CEP85L: variants seen among roughly 807,000 people sequenced by gnomAD.
The protein encoded by CEP85L is centrosomal protein 85L, also known as centrosomal protein of 85 kDa-like.
A neutral mutation model predicts 100.3 loss-of-function variants in CEP85L; 60 were observed. That is an observed-to-expected ratio of 0.60 (90% CI 0.49 to 0.74). The LOEUF (loss-of-function observed/expected upper bound fraction) is 0.74. Ranked by LOEUF, CEP85L falls within the 30% of genes least tolerant of loss-of-function variation. The probability of loss-of-function intolerance (pLI) is 0.00; values close to 1 mark genes in which losing one functional copy is unlikely to be tolerated. For synonymous variants in CEP85L, 319 were observed against 322.7 expected, an observed-to-expected ratio of 0.99 and a Z score of 0.12; for missense variants, 973 against 936.2, an observed-to-expected ratio of 1.04 and a Z score of -0.51.
In CEP85L at chr6:118,483,769, C is replaced by A; in HGVS notation, c.1527G>T (p.Glu509Asp). The change falls in exon 7 of 13, where the codon GAG (glutamate) becomes GAT (aspartate). Residue 509 changes from glutamate to aspartate, a missense_variant. Around this residue, in one of 3 missense-constraint regions of CEP85L, gnomAD observed 890 missense variants for 844.5 expected, o/e 1.05. Transcript: ENST00000368491. ...EQNKEKQRRI[E>D]TLEKYLADLP... ...GATCAGCCAGATACTTTTCCAAGGT[C>A]TCAATTCTTCTCTGCTTTTCTTTGT... The A allele has an allele frequency of 6.2e-7, 1 of 1,613,810 alleles. No homozygotes were observed.
At chr6:118,475,520 A>AT (rs542222949) in intron 10 of CEP85L, among the ~76,000 whole-genome samples, 367 of 151,374 alleles carry the variant, frequency 2.4e-3, no homozygotes, top group Admixed American at 5.3e-3. Context: ...CGCCTGGCTA[A>AT]TTTTTTGTAT....
At chr6:118,556,539 T>TACCTTCC (rs1778888160) in intron 3 of CEP85L, among the ~76,000 whole-genome samples, 1 of 152,182 alleles carries the variant, frequency 6.6e-6, no homozygotes, top group Non-Finnish European at 1.5e-5. Context: ...GCCTGATACT[T>TACCTTCC]ACCTTCCCCT....
intron 5 of CEP85L, among the ~76,000 whole-genome samples, chr6:118,493,989 A>G (rs1273773495): frequency 1.3e-5 from 2 of 152,196 alleles, no homozygotes; most frequent in Middle Eastern, 3.2e-3. Context: ...ATAAAATAAA[A>G]AGCTGAAAAA....
At chr6:118,657,306 C>T (rs1297159116), upstream of CEP85L, among the ~76,000 whole-genome samples, 1 of 152,134 alleles carries the variant, frequency 6.6e-6, no homozygotes, top group Non-Finnish European at 1.5e-5. Flanking sequence ...AAGTTCTGAA[C>T]AGCAGAGAAA....
intron 4 of CEP85L, among the ~76,000 whole-genome samples, chr6:118,517,563 A>ATTGT (rs1776354534): frequency 6.6e-6 from 1 of 151,664 alleles, no homozygotes; most frequent in Non-Finnish European, 1.5e-5. Context: ...GGTGTATAGG[A>ATTGT]TTGTGATTTT....
chr6:118,577,396 G>T (rs1349706640), intron 2 of CEP85L, among the ~76,000 whole-genome samples: 2 of 152,188 alleles, frequency 1.3e-5, no homozygotes. Context: ...CGTGAAAAAA[G>T]AAGTACCCCC....
chr6:118,621,711 A>G (rs910352716), intron 2 of CEP85L, among the ~76,000 whole-genome samples: 1 of 152,236 alleles, frequency 6.6e-6, no homozygotes, highest in African/African-American at 2.4e-5. Flanking sequence ...GCTTAAACCT[A>G]GCCGAAAGAA....
At chr6:118,663,718 C>T (rs1776043859) in intron 1 of CEP85L, among the ~76,000 whole-genome samples, 1 of 152,082 alleles carries the variant, frequency 6.6e-6, no homozygotes. Context: ...GTTCCAGGAT[C>T]CCCAAAGATA....
chr6:118,660,804 T>C (rs1775945918), intron 1 of CEP85L, among the ~76,000 whole-genome samples: 1 of 152,246 alleles, frequency 6.6e-6, no homozygotes, highest in Non-Finnish European at 1.5e-5. Context: ...CCTTGAGTTC[T>C]CTGAATCTGG....
chr6:118,708,589 T>C (rs574252894), intron 1 of CEP85L, among the ~76,000 whole-genome samples: 1 of 152,364 alleles, frequency 6.6e-6, no homozygotes, highest in South Asian at 2.1e-4. Context: ...TATTAAATGG[T>C]AGCCAAAATG....
chr6:118,475,645 C>G (rs1018483802), intron 10 of CEP85L, among the ~76,000 whole-genome samples: 4 of 152,066 alleles, frequency 2.6e-5, no homozygotes. Context: ...TGAGCCACCA[C>G]GCCCGGTGAC....
intron 3 of CEP85L, among the ~76,000 whole-genome samples, chr6:118,552,564 GTA>G (rs959532001): frequency 4.6e-5 from 7 of 151,668 alleles, no homozygotes; most frequent in African/African-American, 1.7e-4. Flanking sequence ...GCCTAACATG[GTA>G]TATGACATTA....
chr6:118,638,299 TA>T (rs1774643456), intron 1 of CEP85L, among the ~76,000 whole-genome samples: 1 of 152,064 alleles, frequency 6.6e-6, no homozygotes, highest in African/African-American at 2.4e-5. Context: ...ACTATGTCTT[TA>T]AAAAGAAGAT....
intron 1 of CEP85L, among the ~76,000 whole-genome samples, chr6:118,688,371 G>A (rs1776910235): frequency 1.3e-5 from 2 of 152,202 alleles, no homozygotes; most frequent in South Asian, 2.1e-4. Context: ...TGCAAGCTCA[G>A]TGGGGCAGGT....
intron 2 of CEP85L, among the ~76,000 whole-genome samples, chr6:118,606,609 G>A (rs993674665): frequency 5.9e-5 from 9 of 152,212 alleles, no homozygotes; most frequent in Admixed American, 1.3e-4. Flanking sequence ...GTACTGCCAC[G>A]TGGTTACAAG....
intron 2 of CEP85L, among the ~76,000 whole-genome samples, chr6:118,571,951 G>C (rs1019388890): frequency 6.6e-6 from 1 of 152,078 alleles, no homozygotes; most frequent in Non-Finnish European, 1.5e-5. Flanking sequence ...CTGCCTCCCA[G>C]GTTCAAGCGA....
chr6:118,675,829 G>A (rs538319991), intron 1 of CEP85L, among the ~76,000 whole-genome samples: 49 of 152,248 alleles, frequency 3.2e-4, no homozygotes, highest in Non-Finnish European at 6.8e-4. Flanking sequence ...CAGTGAATTT[G>A]AAGAATTCAG....
intron 2 of CEP85L, among the ~76,000 whole-genome samples, chr6:118,572,276 A>T: frequency 6.8e-6 from 1 of 146,238 alleles, no homozygotes; most frequent in South Asian, 2.1e-4. Flanking sequence ...ATTCTTTAAA[A>T]AAAAAAAAAA....
intron 4 of CEP85L, among the ~76,000 whole-genome samples, chr6:118,523,260 G>A (rs1776768807): frequency 6.6e-6 from 1 of 152,166 alleles, no homozygotes; most frequent in South Asian, 2.1e-4. Context: ...TCAGGAGACT[G>A]TCTATTAAGT....
Sources: allele counts gnomAD v4.1 joint callset (sites outside exome capture counted in the v4.1 genomes callset), GRCh38; gene constraint gnomAD v4.1.1; regional missense constraint gnomAD v4.1.1; transcripts MANE v1.5; gene names NCBI Gene and HGNC (gene_info 2026-07-23, HGNC 2026-07-21).